APH1B: variants seen among roughly 807,000 people sequenced by gnomAD.
The protein encoded by APH1B is gamma-secretase subunit APH-1B.
A neutral mutation model predicts 28.2 loss-of-function variants in APH1B; 27 were observed. The ratio of observed to expected loss-of-function variants is 0.96; its 90% CI spans 0.70 to 1.32. APH1B has a LOEUF of 1.32. Ranked by LOEUF, APH1B falls within the 40% of genes most tolerant of loss-of-function variation. APH1B has a pLI of 0.00. For missense variants in APH1B, 305 were observed against 313.6 expected (o/e 0.97, Z 0.21); for synonymous variants, 141 against 124.6 (o/e 1.13, Z -0.88).
chr15:63,302,569 A>G, intron 5 of APH1B, 97 bp downstream of exon 5: 1 of 1,429,196 alleles, frequency 7.0e-7, no homozygotes, highest in Non-Finnish European at 9.3e-7. Context: ...CGCTCATGAG[A>G]ACATGAGGAA....
At chr15:63,303,010 A>G (rs1013373232) in intron 5 of APH1B, among the ~76,000 whole-genome samples, 3 of 152,200 alleles carry the variant, frequency 2.0e-5, no homozygotes. Flanking sequence ...TATTCTTTTT[A>G]ATGATTAAAA....
Position 63,279,196 on chromosome 15 carries a change from C to G in APH1B, c.149C>G (p.Ser50Cys), listed in dbSNP as rs2038358700. 4.3e-6 allele frequency: 7 copies of G among 1,610,068 alleles called. No homozygotes were observed. Among genetic ancestry groups the G allele is most frequent in the Middle Eastern group, 1.7e-4 (1 of 6,044 alleles). The change falls in exon 2 of 6, where the codon TCC becomes TGC. Residue 50 changes from serine (S) to cysteine (C), a missense_variant. Transcript: ENST00000261879. ...FFWLVSLLISSLVWFMARVII... is the reference protein window; with the variant it reads ...FFWLVSLLISCLVWFMARVII... Reference sequence around the variant, plus strand: ...TGGTTGGTGTCTCTACTGATTTCGTCCCTTGTTTGGTTCATGGCAAGAGTC... The same window carrying G: ...TGGTTGGTGTCTCTACTGATTTCGTGCCTTGTTTGGTTCATGGCAAGAGTC...
chr15:63,299,324 G>C (rs571152109), intron 4 of APH1B, among the ~76,000 whole-genome samples: 5 of 152,326 alleles, frequency 3.3e-5, no homozygotes, highest in East Asian at 3.9e-4. Flanking sequence ...GAGGATGCTT[G>C]CCTAAAACTC....
chr15:63,307,988 C>T lies in APH1B; in HGVS notation c.*2207C>T, dbSNP rs2038704520. 6.6e-6 allele frequency: 1 copy of T among 152,204 alleles called. No individual in the cohort carries two copies. The highest frequency in any genetic ancestry group is 2.4e-5 in the African/African-American group (1 of 41,450). The allele number at this position is 152,204 out of a possible 1,614,324, so 9.4% of individuals were successfully genotyped here. A position where few individuals can be genotyped will look rare whatever the true frequency, so the allele number is the denominator to read the frequency against. ...AAAACATGAGCCTTTCCAGAGTCAG[C>T]TTAGACACTGTTGTCGCAAATAGCC... On this transcript the variant is annotated 3_prime_UTR_variant, in exon 6 of 6. Coordinates refer to ENST00000261879, the MANE Select transcript of APH1B (RefSeq NM_031301.4).
intron 4 of APH1B, among the ~76,000 whole-genome samples, chr15:63,288,929 G>A (rs988384359): frequency 6.6e-6 from 1 of 152,100 alleles, no homozygotes; most frequent in Non-Finnish European, 1.5e-5. Context: ...CTCTCTCCCT[G>A]CTACAGTTTT....
At chr15:63,299,608 G>C (rs1208384506) in intron 4 of APH1B, among the ~76,000 whole-genome samples, 1 of 152,038 alleles carries the variant, frequency 6.6e-6, no homozygotes, top group Non-Finnish European at 1.5e-5. Context: ...GTTTTACCGT[G>C]TTAGCCAGGA....
intron 1 of APH1B, 138 bp downstream of exon 1, chr15:63,277,874 G>C: frequency 1.2e-6 from 1 of 850,672 alleles, no homozygotes; most frequent in South Asian, 1.8e-5. Flanking sequence ...GGGGGAGAGC[G>C]GAGATCCGGC....
At chr15:63,294,497 C>G (rs2038543333) in intron 4 of APH1B, among the ~76,000 whole-genome samples, 1 of 152,212 alleles carries the variant, frequency 6.6e-6, no homozygotes, top group Non-Finnish European at 1.5e-5. Context: ...TTCCCCCTTT[C>G]CACAGCTCTG....
chr15:63,302,762 G>A (rs919393556), intron 5 of APH1B, among the ~76,000 whole-genome samples: 17 of 152,104 alleles, frequency 1.1e-4, no homozygotes, highest in South Asian at 2.1e-4. Context: ...TGACAGCTGC[G>A]TGGAAAAGTT....
At position 63,302,475 on chromosome 15, in the gene APH1B, G is replaced by A. The variant is rs367946491; in HGVS notation, c.606+3G>A. 2.5e-6 allele frequency: 4 copies of A among 1,612,900 alleles called. No individual in the cohort carries two copies. Among genetic ancestry groups the A allele is most frequent in the Admixed American group, 1.7e-5 (1 of 59,832 alleles). ...CCCACCTGCTGGTGTCAGCCCAGGT[G>A]AGTGTTGCCGCCATGCTCAGACTGT... On this transcript the variant is annotated splice_donor_region_variant and intron_variant, in intron 5 of 5. Transcript: ENST00000261879.
At chr15:63,300,850 A>G (rs1595764651) in intron 4 of APH1B, among the ~76,000 whole-genome samples, 1 of 152,246 alleles carries the variant, frequency 6.6e-6, no homozygotes, top group Non-Finnish European at 1.5e-5. Context: ...TCTACATAAC[A>G]TTAGATTCTT....
At chr15:63,279,733 C>T (rs1271471727) in intron 2 of APH1B, among the ~76,000 whole-genome samples, 1 of 151,088 alleles carries the variant, frequency 6.6e-6, no homozygotes, top group Admixed American at 6.6e-5. Context: ...AGCATTAAAA[C>T]AACTACAGAA....
At chr15:63,290,203 G>A (rs538257194) in intron 4 of APH1B, among the ~76,000 whole-genome samples, 3 of 152,212 alleles carry the variant, frequency 2.0e-5, no homozygotes, top group Admixed American at 6.5e-5. Context: ...TATGATACCT[G>A]TGTGTACATA....
At chr15:63,298,440 G>A (rs547117783) in intron 4 of APH1B, among the ~76,000 whole-genome samples, 1 of 152,188 alleles carries the variant, frequency 6.6e-6, no homozygotes, top group African/African-American at 2.4e-5. Context: ...CGAACTCCTG[G>A]GCTCAAGTGG....
At chr15:63,286,770 C>T in intron 3 of APH1B, 142 bp downstream of exon 3, 1 of 726,068 alleles carries the variant, frequency 1.4e-6, no homozygotes, top group Non-Finnish European at 2.1e-6. Context: ...GCTTATTATC[C>T]CCGTCTTCCA....
chr15:63,293,557 G>A (rs1241511569), intron 4 of APH1B, among the ~76,000 whole-genome samples: 1 of 151,730 alleles, frequency 6.6e-6, no homozygotes, highest in African/African-American at 2.4e-5. Flanking sequence ...GAGTGCAGTG[G>A]CACGATCTTG....
Position 63,309,006 on chromosome 15 carries a change from A to C in APH1B, c.*3225A>C, listed in dbSNP as rs1244924733. The C allele has an allele frequency of 2.0e-5, 3 of 152,194 alleles. No homozygotes were observed. The highest frequency in any genetic ancestry group is 4.4e-5 in the Non-Finnish European group (3 of 68,038). The allele number at this position is 152,194 out of a possible 1,614,324, so 9.4% of individuals were successfully genotyped here. A position where few individuals can be genotyped will look rare whatever the true frequency, so the allele number is the denominator to read the frequency against. On this transcript the variant is annotated 3_prime_UTR_variant, in exon 6 of 6. Transcript: ENST00000261879. ...CTGTGTAAAATATGTAATATTTTAT[A>C]TGTTATACCATGTCATATATACTTG...
At position 63,307,600 on chromosome 15, in the gene APH1B, A is replaced by C. The variant is rs1302791537; in HGVS notation, c.*1819A>C. The C allele has an allele frequency of 6.6e-6, 1 of 152,194 alleles. No homozygotes were observed. Among genetic ancestry groups the C allele is most frequent in the Non-Finnish European group, 1.5e-5 (1 of 68,038 alleles). 9.4% of individuals were successfully genotyped at this position (152,194 alleles called of 1,614,324 possible). On this transcript the variant is annotated 3_prime_UTR_variant, in exon 6 of 6. Transcript: ENST00000261879. ...TGTACAACATCAAGGGGAATAGGAT[A>C]CTCATCAAACTGGGATTATTCTTAT...
intron 4 of APH1B, among the ~76,000 whole-genome samples, chr15:63,290,875 G>A (rs1261340733): frequency 2.0e-5 from 3 of 151,620 alleles, no homozygotes; most frequent in Non-Finnish European, 4.4e-5. Flanking sequence ...GCTTATGGAG[G>A]AAGTGCCATA....
Sources: gnomAD v4.1 joint callset for allele counts (sites outside exome capture counted in the v4.1 genomes callset) on GRCh38, gnomAD v4.1.1 for gene constraint, MANE v1.5 for transcripts, NCBI Gene and HGNC (gene_info 2026-07-23, HGNC 2026-07-21) for gene names.